ASXL2: variants seen among roughly 807,000 people sequenced by gnomAD.
The protein encoded by ASXL2 is ASXL transcriptional regulator 2.
A neutral mutation model predicts 122.0 loss-of-function variants in ASXL2; 23 were observed. That is an observed-to-expected ratio of 0.19 (90% confidence interval 0.14 to 0.27). ASXL2 has a LOEUF of 0.27. Among genes scored for constraint, ASXL2 ranks in the 10% least tolerant of loss-of-function variants. ASXL2 has a pLI of 1.00. For missense variants in ASXL2, 1,518 were observed against 1,713.8 expected (o/e 0.89, Z 2.02); for synonymous variants, 650 against 637.0 (o/e 1.02, Z -0.31).
At chr2:25,774,819 A>G (rs1301132280) in intron 5 of ASXL2, among the ~76,000 whole-genome samples, 2 of 152,208 alleles carry the variant, frequency 1.3e-5, no homozygotes, top group African/African-American at 2.4e-5. Flanking sequence ...CTAGCAGTGT[A>G]TAAGTTTTCT....
In ASXL2 at chr2:25,743,358, G is replaced by C. The variant is rs1243652381; in HGVS notation, c.2979C>G (p.Leu993=). The change falls in exon 13 of 13, where the codon CTC becomes CTG. Residue 993 remains leucine (L), a synonymous_variant. Transcript: ENST00000435504. The part of the protein sequence containing the change: ...TAKEERGMGA[L]IATNTTENST... ...TATTTTCTGTTGTGTTGGTAGCTAT[G>C]AGCGCTCCCATCCCCCTTTCCTCTT... The C allele has an allele frequency of 3.7e-6, 6 of 1,613,792 alleles. No individual in the cohort carries two copies. Among genetic ancestry groups the C allele is most frequent in the African/African-American group, 1.3e-5 (1 of 74,912 alleles).
chr2:25,861,310 T>C (rs1033386553), intron 1 of ASXL2, among the ~76,000 whole-genome samples: 2 of 152,062 alleles, frequency 1.3e-5, no homozygotes, highest in Admixed American at 1.3e-4. Flanking sequence ...CCCATGAACA[T>C]TGAAAAAATA....
At chr2:25,747,165 C>T (rs991109463) in intron 12 of ASXL2, among the ~76,000 whole-genome samples, 2 of 152,198 alleles carry the variant, frequency 1.3e-5, no homozygotes, top group African/African-American at 4.8e-5. Flanking sequence ...GAAAATACTG[C>T]ATTAACCTTG....
At chr2:25,772,089 C>T (rs1257940689) in intron 5 of ASXL2, among the ~76,000 whole-genome samples, 1 of 152,180 alleles carries the variant, frequency 6.6e-6, no homozygotes, top group African/African-American at 2.4e-5. Context: ...TAAGATGTAA[C>T]CACTCTCTAC....
chr2:25,776,702 A>G (rs1019047812), intron 5 of ASXL2, among the ~76,000 whole-genome samples: 1 of 152,224 alleles, frequency 6.6e-6, no homozygotes, highest in African/African-American at 2.4e-5. Context: ...TTTTAAAGAG[A>G]CAAAAGTAAA....
At chr2:25,790,022 G>A (rs886635880) in intron 5 of ASXL2, among the ~76,000 whole-genome samples, 8 of 151,972 alleles carry the variant, frequency 5.3e-5, no homozygotes, top group African/African-American at 1.7e-4. Flanking sequence ...TTTTAAAAAA[G>A]GGACAAGATC....
intron 3 of ASXL2, among the ~76,000 whole-genome samples, chr2:25,833,402 T>G (rs1423576943): frequency 6.6e-5 from 10 of 152,182 alleles, no homozygotes; most frequent in Non-Finnish European, 1.2e-4. Flanking sequence ...CTGCAAAGAA[T>G]GCTCAATTTT....
intron 3 of ASXL2, among the ~76,000 whole-genome samples, chr2:25,813,460 A>G (rs913525401): frequency 6.6e-6 from 1 of 152,236 alleles, no homozygotes; most frequent in African/African-American, 2.4e-5. Context: ...TGGATAAATA[A>G]AGATTATATA....
intron 5 of ASXL2, among the ~76,000 whole-genome samples, chr2:25,782,630 T>C (rs2088664290): frequency 6.6e-6 from 1 of 152,218 alleles, no homozygotes; most frequent in Non-Finnish European, 1.5e-5. Flanking sequence ...TGACTCATTC[T>C]GGCTAAAGGA....
chr2:25,868,304 A>G (rs1238287485), intron 1 of ASXL2, among the ~76,000 whole-genome samples: 2 of 152,264 alleles, frequency 1.3e-5, no homozygotes, highest in Admixed American at 1.3e-4. Flanking sequence ...AAGGTTAAAG[A>G]TGACGTGGGC....
Position 25,749,903 on chromosome 2 carries a change from C to T in ASXL2, c.1653G>A (p.Met551Ile). The change falls in exon 12 of 13, where the codon ATG (methionine) becomes ATA (isoleucine). Residue 551 changes from methionine to isoleucine, a missense_variant. By Grantham distance (10) the Met-to-Ile change is conservative (BLOSUM62 1). Coordinates refer to ENST00000435504, the MANE Select transcript of ASXL2 (RefSeq NM_018263.6). ...TAGAGPQETN[M>I]KEPLATLVDQ... The stretch of plus-strand genomic sequence containing the variant: ...CAACAAGAGTTGCTAGAGGTTCTTT[C>T]ATATTAGTCTCCTGTGGACCCGCTC... The T allele has an allele frequency of 6.2e-7, 1 of 1,612,446 alleles. No individual in the cohort carries two copies. Among genetic ancestry groups the T allele is most frequent in the Non-Finnish European group, 8.5e-7 (1 of 1,179,476 alleles).
chr2:25,763,149 T>C (rs747263945), intron 8 of ASXL2, among the ~76,000 whole-genome samples: 2 of 152,166 alleles, frequency 1.3e-5, no homozygotes, highest in Non-Finnish European at 2.9e-5. Context: ...CTCTCCATTA[T>C]TAATAAATCA....
chr2:25,741,971 C>A lies in ASXL2; in HGVS notation c.*58G>T, dbSNP rs963584901. On this transcript the variant is annotated 3_prime_UTR_variant, in exon 13 of 13. Coordinates refer to ENST00000435504, the MANE Select transcript of ASXL2 (RefSeq NM_018263.6). ...TGTGATTCCAAAAGGACGCAAAAAA[C>A]CCAACTGGTCAACCCTTCCCTTCCC... is the stretch of plus-strand genomic sequence containing the variant. 5 of 1,515,956 alleles carry A rather than the reference C, an allele frequency of 3.3e-6. No homozygotes were observed. In the African/African-American group the frequency reaches 7.0e-5, roughly 21 times the overall value. The allele number at this position is 1,515,956 out of a possible 1,614,324, so 93.9% of individuals were successfully genotyped here.
At chr2:25,757,365 G>A (rs1320805339) in intron 9 of ASXL2, among the ~76,000 whole-genome samples, 7 of 151,508 alleles carry the variant, frequency 4.6e-5, no homozygotes, top group Admixed American at 1.3e-4. Flanking sequence ...CTGGCTGGGC[G>A]CGGTGGCTCA....
At chr2:25,832,257 T>C (rs1166881703) in intron 3 of ASXL2, among the ~76,000 whole-genome samples, 2 of 152,228 alleles carry the variant, frequency 1.3e-5, no homozygotes, top group African/African-American at 4.8e-5. Flanking sequence ...GAAGTACGGT[T>C]TCCACACTTC....
intron 3 of ASXL2, among the ~76,000 whole-genome samples, chr2:25,812,154 TA>T (rs1189331469): frequency 3.6e-5 from 5 of 140,550 alleles, no homozygotes; most frequent in Non-Finnish European, 7.8e-5. Context: ...TGTGAGTCTA[TA>T]ATTATTTCAA....
chr2:25,771,193 A>G (rs1272856235), intron 6 of ASXL2, among the ~76,000 whole-genome samples: 1 of 152,182 alleles, frequency 6.6e-6, no homozygotes, highest in Non-Finnish European at 1.5e-5. Flanking sequence ...CTGAGATTGC[A>G]CCCACTGTAC....
intron 3 of ASXL2, among the ~76,000 whole-genome samples, chr2:25,826,496 A>C (rs765767414): frequency 2.6e-5 from 4 of 152,178 alleles, no homozygotes; most frequent in Non-Finnish European, 5.9e-5. Context: ...AACAGGTTTA[A>C]GGGACATCAC....
At chr2:25,850,753 G>A (rs1280478437) in intron 1 of ASXL2, among the ~76,000 whole-genome samples, 2 of 152,170 alleles carry the variant, frequency 1.3e-5, no homozygotes, top group Non-Finnish European at 2.9e-5. Context: ...GGAAAGTGCT[G>A]ATAGTCTATC....
Sources: gnomAD v4.1 joint callset for allele counts (sites outside exome capture counted in the v4.1 genomes callset) on GRCh38, gnomAD v4.1.1 for gene constraint, MANE v1.5 for transcripts, NCBI Gene and HGNC (gene_info 2026-07-23, HGNC 2026-07-21) for gene names.